The following MCTP1 variants were observed in gnomAD, a reference collection of about 807,000 sequenced individuals.
MCTP1 encodes multiple C2 and transmembrane domain-containing protein 1.
Under a neutral mutation model 120.6 loss-of-function variants are expected in MCTP1, and 69 were observed. The observed-to-expected ratio is 0.57, with a 90% CI of 0.47 to 0.70. The LOEUF (loss-of-function observed/expected upper bound fraction) is 0.70. MCTP1 is among the 30% of genes least tolerant of loss of function. The pLI, the probability that MCTP1 is intolerant of heterozygous loss-of-function variation, is 0.00. For synonymous variants in MCTP1, 529 were observed against 493.1 expected (o/e 1.07, Z -0.96); for missense variants, 1,203 against 1,248.8 (o/e 0.96, Z 0.55).
intron 1 of MCTP1, among the ~76,000 whole-genome samples, chr5:95,173,684 T>C (rs1229367628): frequency 2.0e-5 from 3 of 152,096 alleles, no homozygotes; most frequent in African/African-American, 7.2e-5. Context: ...ATTTAATCAG[T>C]ATTTTAGTGC....
At chr5:95,184,788 C>A (rs1186413484) in intron 1 of MCTP1, among the ~76,000 whole-genome samples, 2 of 152,160 alleles carry the variant, frequency 1.3e-5, no homozygotes, top group Non-Finnish European at 2.9e-5. Flanking sequence ...TCAGACCCTG[C>A]ACTTGATGGA....
At position 95,072,146 on chromosome 5, in the gene MCTP1, C is replaced by T. The variant is rs550834051; in HGVS notation, c.721-54662G>A. ...GTTTGTTGGCAAATTGATGCTAAAG[C>T]ATATTTGGCTTTGGTTCTGGAAGAA... On this transcript the variant is annotated intron_variant, in intron 1 of 22. Coordinates refer to ENST00000515393, the MANE Select transcript of MCTP1 (RefSeq NM_024717.7). 4.2e-5 allele frequency among the ~76,000 whole-genome samples: 6 copies of T among 144,438 alleles called. 1 individual carries two copies. In the South Asian group the frequency reaches 1.3e-3, roughly 32 times the overall value. The allele number at this position is 144,438 out of a possible 152,430, so 94.8% of individuals were successfully genotyped here. A position where few individuals can be genotyped will look rare whatever the true frequency, so the allele number is the denominator to read the frequency against.
intron 1 of MCTP1, among the ~76,000 whole-genome samples, chr5:95,213,018 A>G (rs1393212574): frequency 6.6e-6 from 1 of 152,182 alleles, no homozygotes; most frequent in African/African-American, 2.4e-5. Flanking sequence ...GGTCAGGTCA[A>G]TTAGGCAGGA....
chr5:95,043,070 C>G (rs1472013123), intron 1 of MCTP1, among the ~76,000 whole-genome samples: 1 of 152,040 alleles, frequency 6.6e-6, no homozygotes, highest in Non-Finnish European at 1.5e-5. Flanking sequence ...GTCAAATCAC[C>G]AATCTTCCAA....
Position 95,007,238 on chromosome 5 carries a change from C to T in MCTP1, c.838+10129G>A, listed in dbSNP as rs148631511. Among the ~76,000 whole-genome samples, 991 of 152,188 alleles carry T rather than the reference C, an allele frequency of 6.5e-3. 10 individuals are homozygous for T. Among genetic ancestry groups the T allele is most frequent in the African/African-American group, 0.016 (650 of 41,510 alleles). ...ATTACCTCCCACTGGGTCCCTCCCG[C>T]GACACAGGATTATGGGAACTACAAT... On this transcript the variant is annotated intron_variant, in intron 2 of 22. Transcript: ENST00000515393.
At chr5:95,077,245 T>C (rs1182360906) in intron 1 of MCTP1, among the ~76,000 whole-genome samples, 2 of 152,156 alleles carry the variant, frequency 1.3e-5, no homozygotes. Context: ...GCCATGACTG[T>C]TTCTTCTGCA....
At chr5:94,907,764 A>G (rs768795945) in intron 10 of MCTP1, among the ~76,000 whole-genome samples, 25 of 151,454 alleles carry the variant, frequency 1.7e-4, no homozygotes, top group Non-Finnish European at 3.5e-4. Flanking sequence ...AAAAAAATAT[A>G]AAAGAACATC....
rs1377478604 is a variant in MCTP1 at position 94,894,832 on chromosome 5, G to C, written c.1656C>G (p.Cys552Trp). The change falls in exon 11 of 23, where the codon TGC becomes TGG. Residue 552 changes from cysteine to tryptophan, a missense_variant. Around this residue, in one of 2 missense-constraint regions of MCTP1, gnomAD observed 740 missense variants for 871.1 expected, o/e 0.85. Coordinates refer to ENST00000515393, the MANE Select transcript of MCTP1 (RefSeq NM_024717.7). ...AGKRDDFIGR[C>W]QVDLSALSRE... ...TACTGAGGGCTGACAGGTCGACCTGGCACCTAGAGACAAATGTTTTGAATC... is the reference window on the plus strand; with the variant it reads ...TACTGAGGGCTGACAGGTCGACCTGCCACCTAGAGACAAATGTTTTGAATC... 6.4e-7 allele frequency: 1 copy of C among 1,551,880 alleles called. No individual in the cohort carries two copies. Among genetic ancestry groups the C allele is most frequent in the Non-Finnish European group, 8.8e-7 (1 of 1,142,460 alleles).
At chr5:94,987,251 A>G (rs902052470) in intron 2 of MCTP1, among the ~76,000 whole-genome samples, 1 of 152,050 alleles carries the variant, frequency 6.6e-6, no homozygotes, top group Non-Finnish European at 1.5e-5. Flanking sequence ...TTTATACTAT[A>G]TTTGATAGCT....
At chr5:94,971,545 T>A (rs1245403060) in intron 2 of MCTP1, among the ~76,000 whole-genome samples, 2 of 152,168 alleles carry the variant, frequency 1.3e-5, no homozygotes, top group Non-Finnish European at 2.9e-5. Flanking sequence ...CATTTCCCAC[T>A]AGTGGATGCT....
At chr5:94,888,518 T>C (rs186123554) in intron 12 of MCTP1, among the ~76,000 whole-genome samples, 175 of 152,334 alleles carry the variant, frequency 1.1e-3, no homozygotes, top group Non-Finnish European at 1.5e-3. Context: ...ATTTCATGCA[T>C]GTTTGAATTA....
chr5:95,077,187 C>T (rs945025695), intron 1 of MCTP1, among the ~76,000 whole-genome samples: 16 of 152,248 alleles, frequency 1.1e-4, no homozygotes, highest in African/African-American at 3.6e-4. Flanking sequence ...CTTTTGTAAA[C>T]AAGCATTTAA....
At chr5:95,191,326 C>A (rs1749806647) in intron 1 of MCTP1, among the ~76,000 whole-genome samples, 1 of 151,922 alleles carries the variant, frequency 6.6e-6, no homozygotes, top group Non-Finnish European at 1.5e-5. Flanking sequence ...ACAGTTTAAG[C>A]AGAATAAATT....
chr5:94,712,431 C>G (rs920773479), intron 20 of MCTP1, among the ~76,000 whole-genome samples: 3 of 146,812 alleles, frequency 2.0e-5, no homozygotes, highest in Non-Finnish European at 4.5e-5. Context: ...TTTTTTTTTT[C>G]AGGGCAATTT....
At chr5:95,207,128 C>A (rs1036112648) in intron 1 of MCTP1, among the ~76,000 whole-genome samples, 5 of 152,018 alleles carry the variant, frequency 3.3e-5, no homozygotes, top group Non-Finnish European at 7.4e-5. Context: ...AGAATTAAAT[C>A]ATAAATATTG....
chr5:95,106,649 G>C (rs1025012875), intron 1 of MCTP1, among the ~76,000 whole-genome samples: 1 of 152,164 alleles, frequency 6.6e-6, no homozygotes, highest in African/African-American at 2.4e-5. Flanking sequence ...ATGAATTGAA[G>C]ACCTACTGAG....
chr5:95,267,379 G>A (rs746027050), intron 1 of MCTP1, among the ~76,000 whole-genome samples: 1 of 152,008 alleles, frequency 6.6e-6, no homozygotes, highest in Non-Finnish European at 1.5e-5. Context: ...ACCTAGGCTC[G>A]GAAATGTGCT....
chr5:95,279,727 A>C (rs1365713994), intron 1 of MCTP1, among the ~76,000 whole-genome samples: 1 of 152,238 alleles, frequency 6.6e-6, no homozygotes, highest in Non-Finnish European at 1.5e-5. Flanking sequence ...ATAGCAAGTA[A>C]AGGTTAAAGG....
chr5:95,263,358 C>A (rs2152721911), intron 1 of MCTP1, among the ~76,000 whole-genome samples: 1 of 152,316 alleles, frequency 6.6e-6, no homozygotes, highest in African/African-American at 2.4e-5. Flanking sequence ...CTGTAGTTAG[C>A]ATCTCATGCC....
Sources: allele counts gnomAD v4.1 joint callset (sites outside exome capture counted in the v4.1 genomes callset), GRCh38; gene constraint gnomAD v4.1.1; regional missense constraint gnomAD v4.1.1; transcripts MANE v1.5; gene names NCBI Gene and HGNC (gene_info 2026-07-23, HGNC 2026-07-21).